Variants in TERF2 observed in about 807,000 individuals in gnomAD.
TERF2 encodes the protein telomeric repeat-binding factor 2.
In TERF2, 16 loss-of-function variants were observed where a neutral mutation model predicts 56.1. That is an observed-to-expected ratio of 0.29 (90% CI 0.19 to 0.43). The LOEUF is 0.43. TERF2 is among the 20% of genes least tolerant of loss of function. The pLI, the probability that TERF2 is intolerant of heterozygous loss-of-function variation, is 1.00. For missense variants in TERF2, 547 were observed against 712.9 expected (o/e 0.77, Z 2.65); for synonymous variants, 296 against 282.1 (o/e 1.05, Z -0.50).
chr16:69,382,761 T>C (rs2014050564), intron 3 of TERF2, among the ~76,000 whole-genome samples: 2 of 152,066 alleles, frequency 1.3e-5, no homozygotes, highest in Non-Finnish European at 2.9e-5. Context: ...AGCAGTTGAG[T>C]CTTGAAATGA....
Position 69,357,165 on chromosome 16 carries a change from A to G in TERF2, c.1471-109T>C, listed in dbSNP as rs945522605. On this transcript the variant is annotated intron_variant, in intron 9 of 9. Coordinates refer to ENST00000254942, the MANE Select transcript of TERF2 (RefSeq NM_005652.5). ...CAAGAATCCCAGGAGAATCATCTGA[A>G]CCTGAAATCACAGCTTATGTTTTTA... 7 of 1,244,062 alleles carry G rather than the reference A, an allele frequency of 5.6e-6. No individual in the cohort carries two copies. The African/African-American group carries it at 9.0e-5, about 16-fold the overall frequency. 77.1% of individuals were successfully genotyped at this position (1,244,062 alleles called of 1,614,324 possible). A position where few individuals can be genotyped will look rare whatever the true frequency, so the allele number is the denominator to read the frequency against.
At chr16:69,360,705 CAAAAAAAA>C (rs1204701669) in intron 8 of TERF2, among the ~76,000 whole-genome samples, 1 of 65,470 alleles carries the variant, frequency 1.5e-5, no homozygotes, top group Non-Finnish European at 2.9e-5. Flanking sequence ...GACCCTGTCT[CAAAAAAAA>C]AAAAAAAAAA....
chr16:69,372,374 A>G lies in TERF2; in HGVS notation c.607-19T>C. 6.5e-7 allele frequency: 1 copy of G among 1,540,242 alleles called. No homozygotes were observed. Among genetic ancestry groups the G allele is most frequent in the Non-Finnish European group, 8.9e-7 (1 of 1,124,786 alleles). On this transcript the variant is annotated intron_variant, in intron 3 of 9. Transcript: ENST00000254942. ...TGACAGCCTAAAAAGGAGGGGAAAA[A>G]TCTTTTTTTACTTTTGTAATGACAG... is the stretch of plus-strand genomic sequence containing the variant.
intron 3 of TERF2, among the ~76,000 whole-genome samples, chr16:69,379,160 G>C (rs967694110): frequency 3.3e-5 from 5 of 152,176 alleles, no homozygotes; most frequent in African/African-American, 1.2e-4. Flanking sequence ...ATGCCAGAAA[G>C]CACATTTATT....
At chr16:69,381,635 C>G (rs2142767020) in intron 3 of TERF2, among the ~76,000 whole-genome samples, 1 of 152,166 alleles carries the variant, frequency 6.6e-6, no homozygotes, top group Non-Finnish European at 1.5e-5. Flanking sequence ...TGCACACCAC[C>G]ACACCCAGCT....
In TERF2 at chr16:69,356,869, T is replaced by C; in HGVS notation, c.*29A>G. On this transcript the variant is annotated 3_prime_UTR_variant, in exon 10 of 10. Transcript: ENST00000254942. The stretch of plus-strand genomic sequence containing the variant: ...GGGCTATTATTAGGAACCATGCTCC[T>C]GTGAATTCTGTGGAAATGAAAGCCT... The C allele has an allele frequency of 3.1e-6, 5 of 1,597,196 alleles. No homozygotes were observed. The highest frequency in any genetic ancestry group is 4.3e-6 in the Non-Finnish European group (5 of 1,172,556).
At position 69,367,110 on chromosome 16, in the gene TERF2, G is replaced by T; in HGVS notation, c.1037C>A (p.Ala346Asp). 2 of 1,614,190 alleles carry T rather than the reference G, an allele frequency of 1.2e-6. No homozygotes were observed. Among genetic ancestry groups the T allele is most frequent in the Non-Finnish European group, 1.7e-6 (2 of 1,180,034 alleles). Residue 346 changes from alanine (A) to aspartate (D), a missense_variant, in exon 7 of 10, where the codon GCC becomes GAC. Ala to Asp is a moderately radical substitution (Grantham distance 126). Transcript: ENST00000254942. ...ATCCTTCTGGTCCAGTTTTGCAAAGGCTGCCTCAGAATCCTGTGCACCAGA... is the reference window on the plus strand; with the variant it reads ...ATCCTTCTGGTCCAGTTTTGCAAAGTCTGCCTCAGAATCCTGTGCACCAGA... ...TLSGAQDSEAAFAKLDQKDLV... is the reference protein window; with the variant it reads ...TLSGAQDSEADFAKLDQKDLV...
In TERF2 at chr16:69,361,471, C is replaced by T; in HGVS notation, c.1359G>A (p.Trp453Ter). The T allele has an allele frequency of 6.2e-7, 1 of 1,613,888 alleles. No homozygotes were observed. The highest frequency in any genetic ancestry group is 8.5e-7 in the Non-Finnish European group (1 of 1,179,766). ...EKNPKVPKGK[W>*]NSSNGVEEKE... ...TTTCTTCAACCCCATTAGAGCTGTT[C>T]CACTTGCCTTTGGGTACTCTGAGGG... The change falls in exon 8 of 10, where the codon TGG becomes TGA. Residue 453 changes from tryptophan to a stop codon, truncating the protein, a stop_gained. Coordinates refer to ENST00000254942, the MANE Select transcript of TERF2 (RefSeq NM_005652.5). LOFTEE classifies it high-confidence loss of function.
intron 3 of TERF2, among the ~76,000 whole-genome samples, chr16:69,383,194 T>A (rs2014067359): frequency 6.6e-6 from 1 of 152,062 alleles, no homozygotes; most frequent in Admixed American, 6.6e-5. Flanking sequence ...AATCTGAAAA[T>A]CCGAAATCTG....
At chr16:69,364,775 G>A (rs1696494497) in intron 7 of TERF2, among the ~76,000 whole-genome samples, 1 of 152,000 alleles carries the variant, frequency 6.6e-6, no homozygotes, top group Admixed American at 6.6e-5. Flanking sequence ...TGCTGAATAG[G>A]CTCAGCTTTT....
intron 5 of TERF2, among the ~76,000 whole-genome samples, chr16:69,368,821 C>T (rs2013452011): frequency 6.6e-6 from 1 of 152,040 alleles, no homozygotes; most frequent in South Asian, 2.1e-4. Context: ...GGATTACAGG[C>T]GCCCACCACC....
At chr16:69,385,537 T>G in intron 1 of TERF2, 51 bp from the exon 2 acceptor site, 1 of 1,595,932 alleles carries the variant, frequency 6.3e-7, no homozygotes, top group Non-Finnish European at 8.6e-7. Context: ...CGACTCCCGG[T>G]CCCCCGGACC....
rs764890055 is a variant in TERF2, at chr16:69,357,088, C to G, written c.1471-32G>C. 6.9e-6 allele frequency: 11 copies of G among 1,586,766 alleles called. No homozygotes were observed. In the East Asian group the frequency reaches 1.3e-4, roughly 19 times the overall value. On this transcript the variant is annotated intron_variant, in intron 9 of 9. Transcript: ENST00000254942. ...AAGAAAACCAAAAGATTTATTACCA[C>G]CTTTCCTCTCCACTTACTTACATTT...
chr16:69,370,563 A>AG lies in TERF2; in HGVS notation c.759dup (p.Phe254LeufsTer4). The AG allele has an allele frequency of 6.2e-7, 1 of 1,614,226 alleles. No individual in the cohort carries two copies. Among genetic ancestry groups the AG allele is most frequent in the Non-Finnish European group, 8.5e-7 (1 of 1,180,046 alleles). On this transcript the variant is annotated frameshift_variant, in exon 5 of 10. Coordinates refer to ENST00000254942, the MANE Select transcript of TERF2 (RefSeq NM_005652.5). LOFTEE classifies it high-confidence loss of function. ...TTCTGCTGGAAGGTCTCATATGAAA[A>AG]GTTCTGGATAACAGGATGGGCCAAG...
At chr16:69,357,364 A>G (rs548885771) in intron 9 of TERF2, among the ~76,000 whole-genome samples, 154 bp downstream of exon 9, 56 of 152,320 alleles carry the variant, frequency 3.7e-4, no homozygotes, top group Non-Finnish European at 6.9e-4. Context: ...CTTCCAGAAG[A>G]TAATTATTAC....
rs1275325268 is a variant in TERF2, at chr16:69,366,952, T to G, written c.1195A>C (p.Met399Leu). 1 of 1,614,144 alleles carries G rather than the reference T, an allele frequency of 6.2e-7. No homozygotes were observed. The highest frequency in any genetic ancestry group is 8.5e-7 in the Non-Finnish European group (1 of 1,180,054). Residue 399 changes from methionine to leucine, a missense_variant, in exon 7 of 10, where the codon ATG becomes CTG. This residue lies in a region of TERF2 where 211 missense variants were observed against 236.8 expected (regional missense o/e 0.89). Transcript: ENST00000254942. ...GSELQPKNKR[M>L]TISRLVLEED... is the part of the protein sequence containing the mutation. ...TCCAAGACCAATCTGCTTATTGTCA[T>G]GCGCTTGTTCTTGGGCTGCAGTTCC...
intron 3 of TERF2, among the ~76,000 whole-genome samples, chr16:69,378,502 C>T (rs996593888): frequency 6.6e-6 from 1 of 152,226 alleles, no homozygotes; most frequent in East Asian, 1.9e-4. Context: ...CCATCTCTGA[C>T]CCTTGAGAGA....
In TERF2 at chr16:69,376,863, G is replaced by GAAAAA. The variant is rs59645035; in HGVS notation, c.607-4513_607-4509dup. Among the ~76,000 whole-genome samples, 11 of 111,006 alleles carry GAAAAA rather than the reference G, an allele frequency of 9.9e-5. 1 individual carries two copies. Among genetic ancestry groups the GAAAAA allele is most frequent in the African/African-American group, 3.2e-4 (9 of 28,556 alleles). The allele number at this position is 111,006 out of a possible 152,430, so 72.8% of individuals were successfully genotyped here. On this transcript the variant is annotated intron_variant, in intron 3 of 9. Transcript: ENST00000254942. ...TGACAGAGCGAGACCTTGTCACATT[G>GAAAAA]AAAAAAAAAAAAAAAAACTGAGAAA...
rs966064029 is a variant in TERF2, at chr16:69,371,245, T to C, written c.694-616A>G. Among the ~76,000 whole-genome samples the C allele has an allele frequency of 3.9e-5, 6 of 152,162 alleles. No individual in the cohort carries two copies. In the East Asian group the frequency reaches 1.2e-3, roughly 29 times the overall value. On this transcript the variant is annotated intron_variant, in intron 4 of 9. Coordinates refer to ENST00000254942, the MANE Select transcript of TERF2 (RefSeq NM_005652.5). ...CAGGTGCAGTGGCTCACACCTGTAATGCCAGCACTTTGGGAGGTCGAGGCG... is the reference window on the plus strand; with the variant it reads ...CAGGTGCAGTGGCTCACACCTGTAACGCCAGCACTTTGGGAGGTCGAGGCG...
Sources: allele counts gnomAD v4.1 joint callset (sites outside exome capture counted in the v4.1 genomes callset), GRCh38; gene constraint gnomAD v4.1.1; regional missense constraint gnomAD v4.1.1; transcripts MANE v1.5; gene names NCBI Gene and HGNC (gene_info 2026-07-23, HGNC 2026-07-21).